Variants in DCHS2 observed in about 807,000 individuals in gnomAD.
DCHS2 encodes dachsous cadherin-related 2, also known as protocadherin-23.
In DCHS2, 142 loss-of-function variants were observed where a neutral mutation model predicts 182.4. That is an observed-to-expected ratio of 0.78 (90% CI 0.68 to 0.89). DCHS2 has a LOEUF of 0.89. DCHS2 is among the 40% of genes least tolerant of loss of function. DCHS2 has a pLI of 0.00. For missense variants in DCHS2, 4,319 were observed against 4,198.6 expected, an observed-to-expected ratio of 1.03 and a Z score of -0.79; for synonymous variants, 1,740 against 1,663.3, an observed-to-expected ratio of 1.05 and a Z score of -1.12.
At chr4:154,419,861 C>A (rs1733029996) in intron 1 of DCHS2, among the ~76,000 whole-genome samples, 1 of 145,802 alleles carries the variant, frequency 6.9e-6, no homozygotes, top group Non-Finnish European at 1.5e-5. Context: ...TATGAGTGGA[C>A]AAGGATTGGG....
intron 3 of DCHS2, among the ~76,000 whole-genome samples, chr4:154,340,218 T>A (rs1231412220): frequency 9.2e-5 from 14 of 152,078 alleles, no homozygotes; most frequent in Non-Finnish European, 1.9e-4. Flanking sequence ...CTACAAAAAA[T>A]TTCAAGAATG....
chr4:154,323,711 T>C (rs954218113), intron 7 of DCHS2, among the ~76,000 whole-genome samples: 1 of 152,188 alleles, frequency 6.6e-6, no homozygotes, highest in Non-Finnish European at 1.5e-5. Context: ...CAGTCAAAAC[T>C]TTGTTTCATG....
chr4:154,379,593 C>T (rs558510061), intron 1 of DCHS2, among the ~76,000 whole-genome samples: 8 of 152,224 alleles, frequency 5.3e-5, no homozygotes, highest in South Asian at 2.1e-4. Context: ...GGCTGTCTTG[C>T]ATATATTTGT....
chr4:154,354,559 T>C (rs1729773255), intron 3 of DCHS2, among the ~76,000 whole-genome samples: 1 of 152,248 alleles, frequency 6.6e-6, no homozygotes, highest in South Asian at 2.1e-4. Context: ...ACTTTATGTA[T>C]GGATTTTTAT....
At chr4:154,306,680 G>A (rs1191560640) in intron 10 of DCHS2, among the ~76,000 whole-genome samples, 7 of 151,804 alleles carry the variant, frequency 4.6e-5, no homozygotes, top group African/African-American at 1.5e-4. Flanking sequence ...ATATGATTTT[G>A]TTACACATTA....
At position 154,376,412 on chromosome 4, in the gene DCHS2, T is replaced by C. The variant is rs897411317; in HGVS notation, c.2244+841A>G. Among the ~76,000 whole-genome samples the C allele has an allele frequency of 2.6e-5, 4 of 151,490 alleles. No individual in the cohort carries two copies. In the South Asian group the frequency reaches 8.4e-4, roughly 32 times the overall value. ...TATACTCAAATTAGGAAAAAGACAT[T>C]ATTGTTTACCTTTGGAGATAATTAA... On this transcript the variant is annotated intron_variant, in intron 2 of 19. Transcript: ENST00000357232.
At chr4:154,237,731 A>C (rs541367771) in intron 19 of DCHS2, 1 of 152,306 alleles carries the variant, frequency 6.6e-6, no homozygotes, top group African/African-American at 2.4e-5. Flanking sequence ...GAAATATTTA[A>C]TTTTTATAAA....
intron 1 of DCHS2, among the ~76,000 whole-genome samples, chr4:154,453,296 C>A (rs373405908): frequency 1.1e-4 from 17 of 148,692 alleles, no homozygotes; most frequent in African/African-American, 4.0e-4. Flanking sequence ...GACACAGGGG[C>A]CCTATTGCAT....
At chr4:154,245,943 C>T (rs1342689751) in intron 16 of DCHS2, among the ~76,000 whole-genome samples, 1 of 152,102 alleles carries the variant, frequency 6.6e-6, no homozygotes. Context: ...ATGCACCAAT[C>T]TGGTGGGGAT....
intron 16 of DCHS2, 113 bp downstream of exon 16, chr4:154,255,406 G>A: frequency 7.3e-7 from 1 of 1,374,720 alleles, no homozygotes; most frequent in Non-Finnish European, 9.6e-7. Context: ...TGGATCAAAG[G>A]GATAACACAT....
intron 1 of DCHS2, among the ~76,000 whole-genome samples, chr4:154,445,527 C>T (rs374983272): frequency 3.3e-5 from 5 of 152,136 alleles, no homozygotes; most frequent in African/African-American, 1.2e-4. Context: ...AAGCATAGGC[C>T]AGGCCGGGCA....
chr4:154,291,621 A>G (rs887635329), intron 13 of DCHS2, among the ~76,000 whole-genome samples: 1 of 152,190 alleles, frequency 6.6e-6, no homozygotes, highest in African/African-American at 2.4e-5. Context: ...CCATAAAAAA[A>G]GAATGAGACC....
intron 13 of DCHS2, 108 bp downstream of exon 13, chr4:154,297,743 A>G (rs2111279394): frequency 6.7e-7 from 1 of 1,488,540 alleles, no homozygotes; most frequent in East Asian, 2.3e-5. Context: ...GCATTGAACT[A>G]AAAAATGTAT....
In DCHS2 at chr4:154,298,330, A is replaced by G. The variant is rs1278891694; in HGVS notation, c.5984T>C (p.Leu1995Pro). 1.9e-6 allele frequency: 3 copies of G among 1,614,024 alleles called. No homozygotes were observed. The African/African-American group carries it at 4.0e-5, about 22-fold the overall frequency. Residue 1995 changes from leucine to proline, a missense_variant, in exon 13 of 20, where the codon CTC becomes CCC. Physicochemically the swap from Leu to Pro is moderately conservative, Grantham distance 98. Coordinates refer to ENST00000357232, the MANE Select transcript of DCHS2 (RefSeq NM_001358235.2). ...ATGCTGAGATCTGGCTTCACGGTCG[A>G]GGGTGTTGCTGGTTTTCAATGTGCC... ...MSGTLKTSNT[L>P]DREARSQHTF...
Position 154,332,508 on chromosome 4 carries a change from C to T in DCHS2, c.3700G>A (p.Gly1234Arg), listed in dbSNP as rs762271510. Residue 1234 changes from glycine to arginine, a missense_variant, in exon 5 of 20, where the codon GGA becomes AGA. Physicochemically the swap from Gly to Arg is moderately radical, Grantham distance 125. Transcript: ENST00000357232. ...TTAGGATTCATCTTGAAGAATTTTCCATCAGACAAAAGGAAATATAATAGC... is the reference window on the plus strand; with the variant it reads ...TTAGGATTCATCTTGAAGAATTTTCTATCAGACAAAAGGAAATATAATAGC... The part of the protein sequence containing the change: ...GQLLYFLLSD[G>R]KFFKMNPNTG... 2.5e-6 allele frequency: 4 copies of T among 1,613,322 alleles called. No homozygotes were observed. The highest frequency in any genetic ancestry group is 3.4e-6 in the Non-Finnish European group (4 of 1,179,618).
At chr4:154,238,980 G>A (rs1002653985) in intron 19 of DCHS2, among the ~76,000 whole-genome samples, 190 bp downstream of exon 19, 2 of 151,962 alleles carry the variant, frequency 1.3e-5, no homozygotes, top group Non-Finnish European at 2.9e-5. Flanking sequence ...TGAGATGTTG[G>A]AGAAGAGAAA....
At chr4:154,290,358 C>A (rs1288249475) in intron 13 of DCHS2, among the ~76,000 whole-genome samples, 2 of 151,956 alleles carry the variant, frequency 1.3e-5, no homozygotes, top group African/African-American at 4.8e-5. Flanking sequence ...TTTAAAATGT[C>A]CATACTATCA....
chr4:154,295,812 G>A (rs2111273842), intron 13 of DCHS2, among the ~76,000 whole-genome samples: 1 of 152,260 alleles, frequency 6.6e-6, no homozygotes, highest in East Asian at 1.9e-4. Flanking sequence ...ACATTAACTG[G>A]TGTCATGAGT....
At position 154,250,293 on chromosome 4, in the gene DCHS2, C is replaced by T. The variant is rs1034367953; in HGVS notation, c.6941+5226G>A. On this transcript the variant is annotated intron_variant, in intron 16 of 19. Coordinates refer to ENST00000357232, the MANE Select transcript of DCHS2 (RefSeq NM_001358235.2). Reference sequence around the variant, plus strand: ...ATCTTTTTCTAGATCTTTCTATTCCCTAAATATATTTTGCAGTTCCTATTT... The same window carrying T: ...ATCTTTTTCTAGATCTTTCTATTCCTTAAATATATTTTGCAGTTCCTATTT... 3.9e-5 allele frequency among the ~76,000 whole-genome samples: 6 copies of T among 152,234 alleles called. No individual in the cohort carries two copies. In the East Asian group the frequency reaches 1.2e-3, roughly 29 times the overall value.
Sources: allele counts gnomAD v4.1 joint callset (sites outside exome capture counted in the v4.1 genomes callset), GRCh38; gene constraint gnomAD v4.1.1; transcripts MANE v1.5; gene names NCBI Gene and HGNC (gene_info 2026-07-23, HGNC 2026-07-21).